SLC19A1: variants seen among roughly 807,000 people sequenced by gnomAD.
SLC19A1 encodes the protein reduced folate transporter.
Under a neutral mutation model 35.3 loss-of-function variants are expected in SLC19A1, and 37 were observed. That is an observed-to-expected ratio of 1.05 (90% CI 0.81 to 1.38). SLC19A1 has a LOEUF of 1.38. SLC19A1 is among the 40% of genes most tolerant of loss of function. The probability of loss-of-function intolerance (pLI) is 0.00; values close to 1 mark genes in which losing one functional copy is unlikely to be tolerated. For synonymous variants in SLC19A1, 460 were observed against 398.5 expected (o/e 1.15, Z -1.84); for missense variants, 831 against 826.9 (o/e 1.00, Z -0.06).
chr21:45,506,330 C>A, intron 3 of SLC19A1: 1 of 362,294 alleles, frequency 2.8e-6, no homozygotes, highest in Non-Finnish European at 5.4e-6. Flanking sequence ...GGCCACGTGA[C>A]GTCCACAGCA....
chr21:45,510,217 G>A (rs371989063), downstream of SLC19A1: 26 of 1,605,850 alleles, frequency 1.6e-5, no homozygotes, highest in East Asian at 9.0e-5. Flanking sequence ...GTACAGCATC[G>A]TGCGCCGTGC....
chr21:45,547,950 G>A (rs1318502865), upstream of SLC19A1, among the ~76,000 whole-genome samples: 2 of 152,180 alleles, frequency 1.3e-5, no homozygotes, highest in East Asian at 3.8e-4. Flanking sequence ...ATCCAACAGA[G>A]ATCTCACAGG....
chr21:45,504,505 C>A, intron 3 of SLC19A1: 3 of 1,390,270 alleles, frequency 2.2e-6, no homozygotes, highest in Middle Eastern at 2.2e-4. Context: ...GCCTGCCCGG[C>A]CCCCCCGGCC....
chr21:45,531,554 G>C lies in SLC19A1; in HGVS notation c.784C>G (p.Leu262Val). Residue 262 changes from leucine (L) to valine (V), a missense_variant, in exon 3 of 6, where the codon CTG becomes GTG. Physicochemically the swap from Leu to Val is conservative, Grantham distance 32 (BLOSUM62 1). Coordinates refer to ENST00000311124, the MANE Select transcript of SLC19A1 (RefSeq NM_194255.4). ...CACAGGCGCAGCTGCGGCCGCCGCA[G>C]GCTGTCCCCCAGCTCCCGCAGCATC... Reference protein sequence around the residue: ...ARMLRELGDSLRRPQLRLWSL... With the variant: ...ARMLRELGDSVRRPQLRLWSL... 6.2e-7 allele frequency: 1 copy of C among 1,612,426 alleles called. No homozygotes were observed. The highest frequency in any genetic ancestry group is 8.5e-7 in the Non-Finnish European group (1 of 1,179,694).
chr21:45,515,443 C>T lies in SLC19A1; in HGVS notation c.*215G>A. ...TCTTCCAGCAACAAAGCCCGCGGGG[C>T]ACAGTGCAGGGACAGCATGGCCAGG... On this transcript the variant is annotated 3_prime_UTR_variant, in exon 6 of 6. Coordinates refer to ENST00000311124, the MANE Select transcript of SLC19A1 (RefSeq NM_194255.4). 3 of 1,465,332 alleles carry T rather than the reference C, an allele frequency of 2.0e-6. No homozygotes were observed. Among genetic ancestry groups the T allele is most frequent in the Non-Finnish European group, 2.7e-6 (3 of 1,119,434 alleles). 90.8% of individuals were successfully genotyped at this position (1,465,332 alleles called of 1,614,324 possible).
intron 1 of SLC19A1, among the ~76,000 whole-genome samples, chr21:45,549,444 G>C (rs2078443573): frequency 6.6e-6 from 1 of 151,510 alleles, no homozygotes; most frequent in Admixed American, 6.6e-5. Context: ...TATGGCATGT[G>C]AATTGCACCT....
In SLC19A1 at chr21:45,515,070, C is replaced by G; in HGVS notation, c.*588G>C. 1 of 1,545,874 alleles carries G rather than the reference C, an allele frequency of 6.5e-7. No individual in the cohort carries two copies. The highest frequency in any genetic ancestry group is 1.2e-5 in the South Asian group (1 of 83,218). Reference sequence around the variant, plus strand: ...CCAGCTCCGAGGACCAGAGCCGCTGCTCCCCTCTGATGACAATGTGTCTGC... The same window carrying G: ...CCAGCTCCGAGGACCAGAGCCGCTGGTCCCCTCTGATGACAATGTGTCTGC... On this transcript the variant is annotated 3_prime_UTR_variant, in exon 6 of 6. Transcript: ENST00000311124.
intron 1 of SLC19A1, among the ~76,000 whole-genome samples, chr21:45,556,789 C>T (rs940705372): frequency 2.6e-5 from 4 of 152,090 alleles, no homozygotes; most frequent in Non-Finnish European, 4.4e-5. Context: ...TCTGGAAGAT[C>T]TTGGATGGGG....
chr21:45,505,010 G>A (rs1411059719), intron 3 of SLC19A1: 26 of 1,251,060 alleles, frequency 2.1e-5, no homozygotes, highest in Non-Finnish European at 2.9e-5. Flanking sequence ...TGGGCAGGGA[G>A]GGGACCGGTG....
chr21:45,533,343 C>T lies in SLC19A1; in HGVS notation c.190-1195G>A, dbSNP rs991237645. Among the ~76,000 whole-genome samples, 1 of 152,194 alleles carries T rather than the reference C, an allele frequency of 6.6e-6. No individual in the cohort carries two copies. The highest frequency in any genetic ancestry group is 2.4e-5 in the African/African-American group (1 of 41,450). On this transcript the variant is annotated intron_variant, in intron 2 of 5. Transcript: ENST00000311124. The surrounding 1 kb of genome is among the most constrained non-coding windows in gnomAD (Gnocchi z 4.5). ...CAGGACAAGGTCAGAGGACACTGCCCCAGACTACTACAGGCAGGCACCAAA... is the reference window on the plus strand; with the variant it reads ...CAGGACAAGGTCAGAGGACACTGCCTCAGACTACTACAGGCAGGCACCAAA...
At chr21:45,548,723 G>A (rs534398816), upstream of SLC19A1, among the ~76,000 whole-genome samples, 265 of 152,106 alleles carry the variant, frequency 1.7e-3, no homozygotes, top group Middle Eastern at 0.01. Context: ...CAGCCTGGGC[G>A]ACAGAGTAAG....
rs1293274730 is a variant in SLC19A1 at position 45,530,711 on chromosome 21, G to A, written c.1151+59C>T. Reference sequence around the variant, plus strand: ...CAGGAAGGTGGGAGCACCCAGCGAAGCGCGGGGCTTGATCCTGGCGCCTGC... The same window carrying A: ...CAGGAAGGTGGGAGCACCCAGCGAAACGCGGGGCTTGATCCTGGCGCCTGC... On this transcript the variant is annotated intron_variant, in intron 4 of 5. Coordinates refer to ENST00000311124, the MANE Select transcript of SLC19A1 (RefSeq NM_194255.4). The surrounding 1 kb of genome is among the most constrained non-coding windows in gnomAD (Gnocchi z 5.3). 4 of 1,504,176 alleles carry A rather than the reference G, an allele frequency of 2.7e-6. No individual in the cohort carries two copies. The African/African-American group carries it at 5.6e-5, about 21-fold the overall frequency. 93.2% of individuals were successfully genotyped at this position (1,504,176 alleles called of 1,614,324 possible). A position where few individuals can be genotyped will look rare whatever the true frequency, so the allele number is the denominator to read the frequency against.
Position 45,534,575 on chromosome 21 carries a change from C to G in SLC19A1, c.190-2427G>C. On this transcript the variant is annotated intron_variant, in intron 2 of 5. Coordinates refer to ENST00000311124, the MANE Select transcript of SLC19A1 (RefSeq NM_194255.4). This position sits in a 1 kb window ranked among gnomAD's most constrained non-coding sequence, Gnocchi z 4.2. ...GGAGCATGCCTCATTTCCTCTTCCA[C>G]CAGGAGCTGGCTCTGCAGGCTGGGG... The G allele has an allele frequency of 6.5e-7, 1 of 1,535,750 alleles. No individual in the cohort carries two copies. Among genetic ancestry groups the G allele is most frequent in the South Asian group, 1.2e-5 (1 of 84,066 alleles).
rs571020645 is a variant in SLC19A1 at position 45,514,265 on chromosome 21, C to A, written c.*1393G>T. On this transcript the variant is annotated 3_prime_UTR_variant, in exon 6 of 6. Transcript: ENST00000311124. ...GGAAATGGCTGGTGCAGACCCCCCC[C>A]CAAGCAGGGTCCCCAGGGTGGCCAT... 43 of 149,094 alleles carry A rather than the reference C, an allele frequency of 2.9e-4. 2 individuals carry two copies. The highest frequency in any genetic ancestry group is 2.5e-3 in the Admixed American group (38 of 15,176). 9.2% of individuals were successfully genotyped at this position (149,094 alleles called of 1,614,324 possible). A position where few individuals can be genotyped will look rare whatever the true frequency, so the allele number is the denominator to read the frequency against.
chr21:45,504,699 C>T (rs914267372), intron 3 of SLC19A1: 19 of 724,780 alleles, frequency 2.6e-5, no homozygotes, highest in South Asian at 1.2e-4. Context: ...TCCCTGTCCC[C>T]GTGTGGGGAC....
At chr21:45,505,780 CGCCCCT>C in intron 3 of SLC19A1, 1 of 1,293,168 alleles carries the variant, frequency 7.7e-7, no homozygotes, top group Non-Finnish European at 1.1e-6. Flanking sequence ...TCCTTCCTTC[CGCCCCT>C]GCCCCCCGCC....
At chr21:45,509,339 A>C, downstream of SLC19A1, 4 of 1,543,090 alleles carry the variant, frequency 2.6e-6, no homozygotes, top group Non-Finnish European at 3.5e-6. Flanking sequence ...GACAGGCCCC[A>C]CGTCTCCCAC....
Position 45,515,178 on chromosome 21 carries a change from C to G in SLC19A1, c.*480G>C. The G allele has an allele frequency of 6.6e-7, 1 of 1,511,980 alleles. No individual in the cohort carries two copies. Among genetic ancestry groups the G allele is most frequent in the Non-Finnish European group, 8.8e-7 (1 of 1,134,534 alleles). 93.7% of individuals were successfully genotyped at this position (1,511,980 alleles called of 1,614,324 possible). On this transcript the variant is annotated 3_prime_UTR_variant, in exon 6 of 6. Transcript: ENST00000311124. ...CTACGTCAGTTAAAAAAAAAAAAAG[C>G]ATCTTTCAAAAAAGCAAGAGCACCA...
At chr21:45,553,553 C>T (rs1016841426) in intron 1 of SLC19A1, among the ~76,000 whole-genome samples, 1 of 151,342 alleles carries the variant, frequency 6.6e-6, no homozygotes, top group Non-Finnish European at 1.5e-5. Context: ...GCGGCCGTCA[C>T]CCCCATCATC....
Sources: allele counts gnomAD v4.1 joint callset (sites outside exome capture counted in the v4.1 genomes callset), GRCh38; gene constraint gnomAD v4.1.1; non-coding constraint Gnocchi (gnomAD v3.1); transcripts MANE v1.5; gene names NCBI Gene and HGNC (gene_info 2026-07-23, HGNC 2026-07-21).